The following OR51A4 variants were observed in gnomAD, a reference collection of about 807,000 sequenced individuals.
OR51A4 encodes olfactory receptor 51A4.
For missense variants in OR51A4, 243 were observed against 364.0 expected (o/e 0.67, Z 2.70); for synonymous variants, 96 against 141.5 (o/e 0.68, Z 2.28).
Position 4,946,123 on chromosome 11 carries a change from A to G in OR51A4, c.*36T>C. On this transcript the variant is annotated 3_prime_UTR_variant, in exon 2 of 2. Transcript: ENST00000641898. ...TTCTCAAATTTACCTTAAATATCTT[A>G]CCAGACATTTCCAGGTTTTCTGTCA... 6.4e-7 allele frequency: 1 copy of G among 1,554,846 alleles called. No individual in the cohort carries two copies. Among genetic ancestry groups the G allele is most frequent in the Non-Finnish European group, 8.9e-7 (1 of 1,128,482 alleles).
rs1349683297 is a variant in OR51A4, at chr11:4,945,960, T to C, written c.*199A>G. ...CATAAGACATTTATTTTTATTCTGC[T>C]TAACTGAAATGGGGACATAAGGCAA... On this transcript the variant is annotated 3_prime_UTR_variant, in exon 2 of 2. Coordinates refer to ENST00000641898, the MANE Select transcript of OR51A4 (RefSeq NM_001005329.2). 6.7e-6 allele frequency: 4 copies of C among 594,670 alleles called. No individual in the cohort carries two copies. In the African/African-American group the frequency reaches 7.5e-5, roughly 11 times the overall value. 36.8% of individuals were successfully genotyped at this position (594,670 alleles called of 1,614,324 possible).
In OR51A4 at chr11:4,943,267, C is replaced by T. The variant is rs942304262; in HGVS notation, c.*2892G>A. 8.5e-6 allele frequency: 2 copies of T among 235,872 alleles called. No individual in the cohort carries two copies. The highest frequency in any genetic ancestry group is 4.6e-5 in the African/African-American group (2 of 43,402). The allele number at this position is 235,872 out of a possible 1,614,324, so 14.6% of individuals were successfully genotyped here. On this transcript the variant is annotated 3_prime_UTR_variant, in exon 2 of 2. Coordinates refer to ENST00000641898, the MANE Select transcript of OR51A4 (RefSeq NM_001005329.2). ...ACTTGCCTTTTGGTAAGGTTTACATCCTTTGCATTCATCTTTGTACACTTT... is the reference window on the plus strand; with the variant it reads ...ACTTGCCTTTTGGTAAGGTTTACATTCTTTGCATTCATCTTTGTACACTTT...
Position 4,947,008 on chromosome 11 carries a change from G to T in OR51A4, c.93C>A (p.Ile31=), listed in dbSNP as rs1254821986. The T allele has an allele frequency of 6.3e-7, 1 of 1,587,656 alleles. No homozygotes were observed. Among genetic ancestry groups the T allele is most frequent in the Non-Finnish European group, 8.6e-7 (1 of 1,162,002 alleles). The part of the protein sequence containing the change: ...GLEYAHIWIS[I]PICSMYLIAI... ...CAATAAGATACATGCTGCAGATGGG[G>T]ATAGAGATCCAGATGTGTGCATATT... The change falls in exon 2 of 2, where the codon ATC becomes ATA. Residue 31 remains isoleucine, a synonymous_variant. Transcript: ENST00000641898.
In OR51A4 at chr11:4,946,211, G is replaced by A. The variant is rs1173193869; in HGVS notation, c.890C>T (p.Thr297Ile). Residue 297 changes from threonine to isoleucine, a missense_variant, in exon 2 of 2, where the codon ACT becomes ATT. Coordinates refer to ENST00000641898, the MANE Select transcript of OR51A4 (RefSeq NM_001005329.2). Reference sequence around the variant, plus strand: ...TACAACTCTCACTCTAATCTGTTTAGTTTTTACACAATAAACAATTGGGTT... The same window carrying A: ...TACAACTCTCACTCTAATCTGTTTAATTTTTACACAATAAACAATTGGGTT... ...LTNPIVYCVK[T>I]KQIRVRVVAK... 1.9e-6 allele frequency: 3 copies of A among 1,613,852 alleles called. No homozygotes were observed. In the African/African-American group the frequency reaches 4.0e-5, roughly 22 times the overall value.
Position 4,943,358 on chromosome 11 carries a change from C to A in OR51A4, c.*2801G>T. 2.8e-6 allele frequency: 1 copy of A among 359,322 alleles called. No homozygotes were observed. The highest frequency in any genetic ancestry group is 5.5e-6 in the Non-Finnish European group (1 of 181,640). The allele number at this position is 359,322 out of a possible 1,614,324, so 22.3% of individuals were successfully genotyped here. A position where few individuals can be genotyped will look rare whatever the true frequency, so the allele number is the denominator to read the frequency against. On this transcript the variant is annotated 3_prime_UTR_variant, in exon 2 of 2. Coordinates refer to ENST00000641898, the MANE Select transcript of OR51A4 (RefSeq NM_001005329.2). ...GTCTTTCAGTTTTCTCAGTTTTTCA[C>A]TGGTTTCCTTTCTGAGGAACTTCTC...
rs771239174 is a variant in OR51A4, at chr11:4,947,132, A to G, written c.-32T>C. ...TTCATAGGGCTCTGCTATGAAAAAT[A>G]CAGATGCTTGTGTTGGTAAAATAGG... On this transcript the variant is annotated 5_prime_UTR_variant, in exon 2 of 2. Coordinates refer to ENST00000641898, the MANE Select transcript of OR51A4 (RefSeq NM_001005329.2). 1.1e-5 allele frequency: 13 copies of G among 1,174,560 alleles called. 2 individuals carry two copies. Among genetic ancestry groups the G allele is most frequent in the East Asian group, 2.6e-5 (1 of 37,874 alleles). 72.8% of individuals were successfully genotyped at this position (1,174,560 alleles called of 1,614,324 possible).
rs11827142 is a variant in OR51A4 at position 4,945,676 on chromosome 11, A to C, written c.*483T>G. The C allele has an allele frequency of 5.3e-3, 989 of 185,504 alleles. 12 individuals carry two copies. Among genetic ancestry groups the C allele is most frequent in the African/African-American group, 0.022 (937 of 41,730 alleles). 11.5% of individuals were successfully genotyped at this position (185,504 alleles called of 1,614,324 possible). On this transcript the variant is annotated 3_prime_UTR_variant, in exon 2 of 2. Transcript: ENST00000641898. ...AAACTATCTATTGGGTACTATGCTC[A>C]CTACCCGGGTCCCATATAACCATGT...
chr11:4,943,334 T>G lies in OR51A4; in HGVS notation c.*2825A>C. The stretch of plus-strand genomic sequence containing the variant: ...GTCTTTTAACATCTCTCAAGTGAAG[T>G]CTTTCAGTTTTCTCAGTTTTTCACT... On this transcript the variant is annotated 3_prime_UTR_variant, in exon 2 of 2. Transcript: ENST00000641898. 2.9e-6 allele frequency: 1 copy of G among 341,386 alleles called. No homozygotes were observed. The highest frequency in any genetic ancestry group is 5.8e-6 in the Non-Finnish European group (1 of 173,328). 21.1% of individuals were successfully genotyped at this position (341,386 alleles called of 1,614,324 possible). A position where few individuals can be genotyped will look rare whatever the true frequency, so the allele number is the denominator to read the frequency against.
At position 4,947,540 on chromosome 11, in the gene OR51A4, CT is replaced by C. The variant is rs1443488681; in HGVS notation, c.-63+4del. Reference sequence around the variant, plus strand: ...CTAAATAAATGAGAATACCTGGGTACTTACCAGTAAGTGGATATGTTTGTAA... The same window carrying C: ...CTAAATAAATGAGAATACCTGGGTACTACCAGTAAGTGGATATGTTTGTAA... On this transcript the variant is annotated splice_donor_region_variant and intron_variant, in intron 1 of 1. Coordinates refer to ENST00000641898, the MANE Select transcript of OR51A4 (RefSeq NM_001005329.2). 1.5e-5 allele frequency: 2 copies of C among 133,900 alleles called. 1 individual carries two copies. The highest frequency in any genetic ancestry group is 5.4e-5 in the African/African-American group (2 of 37,098). The allele number at this position is 133,900 out of a possible 1,614,324, so 8.3% of individuals were successfully genotyped here.
In OR51A4 at chr11:4,944,206, T is replaced by A. The variant is rs1442107958; in HGVS notation, c.*1953A>T. 7.3e-6 allele frequency: 3 copies of A among 412,920 alleles called. No homozygotes were observed. The highest frequency in any genetic ancestry group is 2.1e-5 in the African/African-American group (1 of 47,502). The allele number at this position is 412,920 out of a possible 1,614,324, so 25.6% of individuals were successfully genotyped here. Reference sequence around the variant, plus strand: ...ATAGGATTTTCTACACTAGGATAGGTTTGTGAAAACATACGTAGTCCTGAA... The same window carrying A: ...ATAGGATTTTCTACACTAGGATAGGATTGTGAAAACATACGTAGTCCTGAA... On this transcript the variant is annotated 3_prime_UTR_variant, in exon 2 of 2. Transcript: ENST00000641898.
At position 4,943,916 on chromosome 11, in the gene OR51A4, C is replaced by G. The variant is rs113467712; in HGVS notation, c.*2243G>C. The G allele has an allele frequency of 7.5e-3, 3,211 of 428,776 alleles. 86 individuals carry two copies. The highest frequency in any genetic ancestry group is 0.059 in the African/African-American group (2,868 of 48,640). The allele number at this position is 428,776 out of a possible 1,614,324, so 26.6% of individuals were successfully genotyped here. ...TACTCTTTTATGTGACATCTATGTA[C>G]AATATCCTGAAAGAATAAGATGCTA... On this transcript the variant is annotated 3_prime_UTR_variant, in exon 2 of 2. Coordinates refer to ENST00000641898, the MANE Select transcript of OR51A4 (RefSeq NM_001005329.2).
rs1363479306 is a variant in OR51A4, at chr11:4,942,856, A to G, written c.*3303T>C. ...TGGGGACTCAAATTCTCAAGCAAGA[A>G]TAACACATTCAATTAAATGGATTGG... On this transcript the variant is annotated 3_prime_UTR_variant, in exon 2 of 2. Coordinates refer to ENST00000641898, the MANE Select transcript of OR51A4 (RefSeq NM_001005329.2). The G allele has an allele frequency of 6.6e-6, 1 of 152,232 alleles. No homozygotes were observed. Among genetic ancestry groups the G allele is most frequent in the Admixed American group, 6.5e-5 (1 of 15,288 alleles). The allele number at this position is 152,232 out of a possible 1,614,324, so 9.4% of individuals were successfully genotyped here.
rs1240956463 is a variant in OR51A4, at chr11:4,943,234, G to C, written c.*2925C>G. On this transcript the variant is annotated 3_prime_UTR_variant, in exon 2 of 2. Coordinates refer to ENST00000641898, the MANE Select transcript of OR51A4 (RefSeq NM_001005329.2). Reference sequence around the variant, plus strand: ...AGACTTACTAGAATCTTTTTAAAAAGTATTTGAACTTGCCTTTTGGTAAGG... The same window carrying C: ...AGACTTACTAGAATCTTTTTAAAAACTATTTGAACTTGCCTTTTGGTAAGG... The C allele has an allele frequency of 5.3e-6, 1 of 190,430 alleles. No homozygotes were observed. Among genetic ancestry groups the C allele is most frequent in the Admixed American group, 5.8e-5 (1 of 17,180 alleles). 11.8% of individuals were successfully genotyped at this position (190,430 alleles called of 1,614,324 possible). A position where few individuals can be genotyped will look rare whatever the true frequency, so the allele number is the denominator to read the frequency against.
Position 4,946,268 on chromosome 11 carries a change from G to T in OR51A4, c.833C>A (p.Ala278Glu). The T allele has an allele frequency of 7.4e-6, 12 of 1,613,926 alleles. No individual in the cohort carries two copies. The highest frequency in any genetic ancestry group is 1.1e-5 in the South Asian group (1 of 91,080). ...HVSPLINVLMANVLLLVPPLT... is the reference protein window; with the variant it reads ...HVSPLINVLMENVLLLVPPLT... ...TGGAGGTACAAGTAGGAGAACATTTGCCATGAGAACATTAATGAGGGGAGA... is the reference window on the plus strand; with the variant it reads ...TGGAGGTACAAGTAGGAGAACATTTTCCATGAGAACATTAATGAGGGGAGA... The change falls in exon 2 of 2, where the codon GCA becomes GAA. Residue 278 changes from alanine to glutamate, a missense_variant. Physicochemically the swap from Ala to Glu is moderately radical, Grantham distance 107. Transcript: ENST00000641898.
chr11:4,947,296 C>A lies in OR51A4; in HGVS notation c.-62-134G>T. ...GTTGCTGCTTTGGACTATAATCTGT[C>A]GTATAATACATTGGAAAAATTATTT... On this transcript the variant is annotated intron_variant, in intron 1 of 1. Coordinates refer to ENST00000641898, the MANE Select transcript of OR51A4 (RefSeq NM_001005329.2). The A allele has an allele frequency of 7.6e-6, 3 of 395,926 alleles. 1 individual carries two copies. The highest frequency in any genetic ancestry group is 9.2e-6 in the Non-Finnish European group (2 of 218,390). 24.5% of individuals were successfully genotyped at this position (395,926 alleles called of 1,614,324 possible). A position where few individuals can be genotyped will look rare whatever the true frequency, so the allele number is the denominator to read the frequency against.
In OR51A4 at chr11:4,943,690, T is replaced by G. The variant is rs925694115; in HGVS notation, c.*2469A>C. ...CTCTTGGAGGTAACATTGCTGCCAG[T>G]TGAGAACCACTGTTTAAGGAGCCCC... On this transcript the variant is annotated 3_prime_UTR_variant, in exon 2 of 2. Coordinates refer to ENST00000641898, the MANE Select transcript of OR51A4 (RefSeq NM_001005329.2). 2.3e-5 allele frequency: 8 copies of G among 355,178 alleles called. No individual in the cohort carries two copies. The highest frequency in any genetic ancestry group is 3.3e-5 in the Non-Finnish European group (6 of 179,510). 22.0% of individuals were successfully genotyped at this position (355,178 alleles called of 1,614,324 possible).
chr11:4,943,726 T>G lies in OR51A4; in HGVS notation c.*2433A>C. ...TGTTTAAGGAGCCCCAGAGTTGAGA[T>G]TTTAATCCTCCAAAAACTACATTCT... On this transcript the variant is annotated 3_prime_UTR_variant, in exon 2 of 2. Transcript: ENST00000641898. The G allele has an allele frequency of 5.6e-6, 2 of 354,682 alleles. No individual in the cohort carries two copies. Among genetic ancestry groups the G allele is most frequent in the South Asian group, 4.5e-5 (2 of 44,430 alleles). The allele number at this position is 354,682 out of a possible 1,614,324, so 22.0% of individuals were successfully genotyped here.
Position 4,945,473 on chromosome 11 carries a change from A to C in OR51A4, c.*686T>G, listed in dbSNP as rs1237904473. 1 of 151,268 alleles carries C rather than the reference A, an allele frequency of 6.6e-6. No homozygotes were observed. The highest frequency in any genetic ancestry group is 1.5e-5 in the Non-Finnish European group (1 of 68,084). The allele number at this position is 151,268 out of a possible 1,614,324, so 9.4% of individuals were successfully genotyped here. A position where few individuals can be genotyped will look rare whatever the true frequency, so the allele number is the denominator to read the frequency against. The stretch of plus-strand genomic sequence containing the variant: ...TTATTGATTTAACTGTATTTCTAAC[A>C]AAGGAAGAGTTCAAATTTAAAAGAG... On this transcript the variant is annotated 3_prime_UTR_variant, in exon 2 of 2. Coordinates refer to ENST00000641898, the MANE Select transcript of OR51A4 (RefSeq NM_001005329.2).
Position 4,945,632 on chromosome 11 carries a change from G to A in OR51A4, c.*527C>T, listed in dbSNP as rs191482415. On this transcript the variant is annotated 3_prime_UTR_variant, in exon 2 of 2. Coordinates refer to ENST00000641898, the MANE Select transcript of OR51A4 (RefSeq NM_001005329.2). ...GACTACTGGTGGGGCAAGAGTGAAA[G>A]AGGCAGGATTGGACTGAAAAACTAT... is the stretch of plus-strand genomic sequence containing the variant. The A allele has an allele frequency of 3.1e-5, 5 of 159,698 alleles. No individual in the cohort carries two copies. Among genetic ancestry groups the A allele is most frequent in the African/African-American group, 1.2e-4 (5 of 41,576 alleles). 9.9% of individuals were successfully genotyped at this position (159,698 alleles called of 1,614,324 possible).
Sources: gnomAD v4.1 joint callset for allele counts on GRCh38, gnomAD v4.1.1 for gene constraint, MANE v1.5 for transcripts, NCBI Gene and HGNC (gene_info 2026-07-23, HGNC 2026-07-21) for gene names.